The following LIPH variants were observed in gnomAD, a reference collection of about 807,000 sequenced individuals.
LIPH encodes the protein lipase H, also known as lipase member H.
Under a neutral mutation model 47.6 loss-of-function variants are expected in LIPH, and 32 were observed. That is an observed-to-expected ratio of 0.67 (90% confidence interval 0.51 to 0.90). The LOEUF (loss-of-function observed/expected upper bound fraction) is 0.90, where lower values mean the gene tolerates loss of function less well. LIPH is among the 40% of genes least tolerant of loss of function. LIPH has a pLI of 0.00. For synonymous variants in LIPH, 190 were observed against 195.6 expected (o/e 0.97, Z 0.24); for missense variants, 497 against 541.4 (o/e 0.92, Z 0.81).
intron 8 of LIPH, 119 bp downstream of exon 8, chr3:185,514,291 T>A: frequency 1.4e-6 from 1 of 697,782 alleles, no homozygotes; most frequent in South Asian, 1.5e-5. Context: ...TCCCCTTATA[T>A]CTTTTATAGA....
intron 1 of LIPH, among the ~76,000 whole-genome samples, chr3:185,541,758 T>C (rs1720719052): frequency 7.8e-6 from 1 of 128,568 alleles, no homozygotes. Flanking sequence ...ATTTATTTAT[T>C]ATTATTTTTT....
rs764517050 is a variant in LIPH, at chr3:185,534,825, A to G, written c.357T>C (p.His119=). 7.4e-6 allele frequency: 12 copies of G among 1,613,442 alleles called. No homozygotes were observed. Among genetic ancestry groups the G allele is most frequent in the African/African-American group, 1.3e-5 (1 of 74,926 alleles). ...CTACTTTTCTGGTCTTACTAGAGGC[A>G]TGGGTATATATTAAAGTTGTAGCTC... The part of the protein sequence containing the change: ...NRGATTLIYT[H]ASSKTRKVAM... Residue 119 remains histidine, a synonymous_variant, in exon 2 of 10, where the codon CAT becomes CAC. Coordinates refer to ENST00000296252, the MANE Select transcript of LIPH (RefSeq NM_139248.3).
intron 1 of LIPH, among the ~76,000 whole-genome samples, chr3:185,551,848 A>G (rs1374572500): frequency 6.6e-6 from 1 of 152,086 alleles, no homozygotes; most frequent in Non-Finnish European, 1.5e-5. Flanking sequence ...TTGTTACATT[A>G]TCTGGTACAT....
At chr3:185,539,366 CT>C (rs1299229902) in intron 1 of LIPH, among the ~76,000 whole-genome samples, 137 of 140,462 alleles carry the variant, frequency 9.8e-4, no homozygotes, top group Middle Eastern at 3.9e-3. Flanking sequence ...TTTTACAGAT[CT>C]TTTTTTTTTT....
chr3:185,551,598 C>T (rs957649535), intron 1 of LIPH, among the ~76,000 whole-genome samples: 5 of 152,070 alleles, frequency 3.3e-5, no homozygotes, highest in African/African-American at 1.2e-4. Context: ...TTAGACTTAT[C>T]TCTGCATAGG....
chr3:185,535,311 C>T (rs1720472496), intron 1 of LIPH, among the ~76,000 whole-genome samples, 179 bp from the exon 2 acceptor site: 1 of 152,152 alleles, frequency 6.6e-6, no homozygotes, highest in African/African-American at 2.4e-5. Flanking sequence ...CAGGGTTTCA[C>T]TCTCACCCAA....
rs997110912 is a variant in LIPH at position 185,506,499 on chromosome 3, G to T, written c.*2291C>A. 1.3e-5 allele frequency: 2 copies of T among 150,958 alleles called. No homozygotes were observed. Among genetic ancestry groups the T allele is most frequent in the Admixed American group, 6.6e-5 (1 of 15,154 alleles). 9.4% of individuals were successfully genotyped at this position (150,958 alleles called of 1,614,324 possible). Reference sequence around the variant, plus strand: ...TTTTGACTCCCTGCTTACCAGGAAAGAGAACAAAAAAGTGACTGTGCTGAT... The same window carrying T: ...TTTTGACTCCCTGCTTACCAGGAAATAGAACAAAAAAGTGACTGTGCTGAT... On this transcript the variant is annotated 3_prime_UTR_variant, in exon 10 of 10. Coordinates refer to ENST00000296252, the MANE Select transcript of LIPH (RefSeq NM_139248.3).
chr3:185,548,028 C>T (rs1357872284), intron 1 of LIPH, among the ~76,000 whole-genome samples: 1 of 152,170 alleles, frequency 6.6e-6, no homozygotes, highest in African/African-American at 2.4e-5. Flanking sequence ...TGCCTGAAGA[C>T]ACTGTTCTGA....
At chr3:185,509,242 G>A (rs1719478372) in intron 9 of LIPH, among the ~76,000 whole-genome samples, 1 of 151,864 alleles carries the variant, frequency 6.6e-6, no homozygotes, top group Non-Finnish European at 1.5e-5. Flanking sequence ...CTGAGATCAC[G>A]CCATTGCACT....
intron 1 of LIPH, among the ~76,000 whole-genome samples, chr3:185,536,264 C>A (rs1210261626): frequency 6.6e-6 from 1 of 152,142 alleles, no homozygotes; most frequent in Admixed American, 6.5e-5. Context: ...AGCAAGTCAT[C>A]CCCAGCTCCA....
intron 9 of LIPH, among the ~76,000 whole-genome samples, 171 bp downstream of exon 9, chr3:185,511,353 C>T (rs1006498183): frequency 2.0e-5 from 3 of 152,120 alleles, no homozygotes; most frequent in African/African-American, 7.2e-5. Flanking sequence ...GCTTGAGCCA[C>T]TACACTTGGC....
intron 4 of LIPH, among the ~76,000 whole-genome samples, chr3:185,526,656 T>C (rs1319314914): frequency 9.2e-6 from 1 of 108,878 alleles, no homozygotes; most frequent in African/African-American, 3.3e-5. Flanking sequence ...TAAAATAAAA[T>C]AAAAAATAAT....
chr3:185,519,324 A>G lies in LIPH; in HGVS notation c.719-15T>C. 1 of 1,591,616 alleles carries G rather than the reference A, an allele frequency of 6.3e-7. No homozygotes were observed. The highest frequency in any genetic ancestry group is 8.6e-7 in the Non-Finnish European group (1 of 1,159,942). ...ATACTGAAATCCTTGGTTGTAAAAG[A>G]AGTGATGAAAGAGTAGAGCGGTTGA... On this transcript the variant is annotated splice_polypyrimidine_tract_variant and intron_variant, in intron 5 of 9. Transcript: ENST00000296252.
intron 1 of LIPH, among the ~76,000 whole-genome samples, chr3:185,548,503 G>A (rs897482944): frequency 6.6e-6 from 1 of 151,890 alleles, no homozygotes; most frequent in Non-Finnish European, 1.5e-5. Flanking sequence ...CGAGGTAGGT[G>A]GATCACCTGA....
intron 3 of LIPH, among the ~76,000 whole-genome samples, chr3:185,528,116 C>T (rs1720168763): frequency 1.3e-5 from 2 of 151,208 alleles, no homozygotes; most frequent in South Asian, 2.1e-4. Flanking sequence ...CCTAGCTACT[C>T]GGGAGGCTGA....
chr3:185,509,129 A>G (rs919872941), intron 9 of LIPH, among the ~76,000 whole-genome samples: 1 of 151,674 alleles, frequency 6.6e-6, no homozygotes, highest in Non-Finnish European at 1.5e-5. Flanking sequence ...CGTCTCTACT[A>G]AAAATACAAA....
At chr3:185,530,244 T>C (rs1000801451) in intron 3 of LIPH, among the ~76,000 whole-genome samples, 4 of 152,024 alleles carry the variant, frequency 2.6e-5, no homozygotes, top group African/African-American at 9.7e-5. Context: ...TTTGGGAGGC[T>C]GAGGTGGTTG....
At chr3:185,519,580 A>C (rs1719836620) in intron 5 of LIPH, among the ~76,000 whole-genome samples, 1 of 152,148 alleles carries the variant, frequency 6.6e-6, no homozygotes, top group South Asian at 2.1e-4. Flanking sequence ...TCACGCCTGT[A>C]ATCCCAGCAC....
intron 5 of LIPH, among the ~76,000 whole-genome samples, 184 bp from the exon 6 acceptor site, chr3:185,519,493 A>G (rs1265480632): frequency 6.6e-6 from 1 of 152,154 alleles, no homozygotes. Flanking sequence ...AGGAGAAAAG[A>G]TGAAATCAAA....
Sources: allele counts gnomAD v4.1 joint callset (sites outside exome capture counted in the v4.1 genomes callset), GRCh38; gene constraint gnomAD v4.1.1; transcripts MANE v1.5; gene names NCBI Gene and HGNC (gene_info 2026-07-23, HGNC 2026-07-21).